Variants in ZFPM2 observed in about 807,000 individuals in gnomAD.
ZFPM2 encodes the protein zinc finger protein, FOG family member 2.
Under a neutral mutation model 98.6 loss-of-function variants are expected in ZFPM2, and 20 were observed. The ratio of observed to expected loss-of-function variants is 0.20; its 90% confidence interval spans 0.14 to 0.29. ZFPM2 has a LOEUF of 0.29. Among genes scored for constraint, ZFPM2 ranks in the 10% least tolerant of loss-of-function variants. The pLI, the probability that ZFPM2 is intolerant of heterozygous loss-of-function variation, is 1.00. For missense variants in ZFPM2, 1,310 were observed against 1,388.6 expected, an observed-to-expected ratio of 0.94 and a Z score of 0.90; for synonymous variants, 518 against 502.7, an observed-to-expected ratio of 1.03 and a Z score of -0.41.
In ZFPM2 at chr8:105,393,380, T is replaced by G. The variant is rs1366233915; in HGVS notation, c.41-25764T>G. Among the ~76,000 whole-genome samples, 208 of 107,394 alleles carry G rather than the reference T, an allele frequency of 1.9e-3. 3 individuals are homozygous for G. The highest frequency in any genetic ancestry group is 6.8e-3 in the African/African-American group (196 of 28,666). The allele number at this position is 107,394 out of a possible 152,430, so 70.5% of individuals were successfully genotyped here. A position where few individuals can be genotyped will look rare whatever the true frequency, so the allele number is the denominator to read the frequency against. ...TTTCTTTCTTTCTTTCTTTCTTTCT[T>G]TCTTTCTTTCTTCTTCAGAATTTAA... On this transcript the variant is annotated intron_variant, in intron 1 of 7. Coordinates refer to ENST00000407775, the MANE Select transcript of ZFPM2 (RefSeq NM_012082.4).
At position 105,613,105 on chromosome 8, in the gene ZFPM2, A is replaced by T. The variant is rs574814522; in HGVS notation, c.421-21141A>T. ...GATTTAAATGATTTCAGTAGTCACAATGATATATGTAATAATAATTAACAG... is the reference window on the plus strand; with the variant it reads ...GATTTAAATGATTTCAGTAGTCACATTGATATATGTAATAATAATTAACAG... On this transcript the variant is annotated intron_variant, in intron 4 of 7. Coordinates refer to ENST00000407775, the MANE Select transcript of ZFPM2 (RefSeq NM_012082.4). Among the ~76,000 whole-genome samples the T allele has an allele frequency of 3.3e-5, 5 of 152,316 alleles. No individual in the cohort carries two copies. In the South Asian group the frequency reaches 1.0e-3, roughly 32 times the overall value.
chr8:105,617,220 A>C (rs1440997720), intron 4 of ZFPM2, among the ~76,000 whole-genome samples: 2 of 151,914 alleles, frequency 1.3e-5, no homozygotes, highest in Non-Finnish European at 2.9e-5. Context: ...ATTATATTTG[A>C]AGTATTTGGT....
At chr8:105,420,887 G>T (rs1811778343) in intron 2 of ZFPM2, among the ~76,000 whole-genome samples, 1 of 152,090 alleles carries the variant, frequency 6.6e-6, no homozygotes. Context: ...TATACCTTTT[G>T]TCAATTTAAT....
chr8:105,735,129 T>TATATA (rs1455794050), intron 5 of ZFPM2, among the ~76,000 whole-genome samples: 1 of 148,122 alleles, frequency 6.8e-6, no homozygotes, highest in Admixed American at 6.8e-5. Context: ...ATATATAATG[T>TATATA]ATCTACATCT....
chr8:105,665,257 C>CT (rs1452725271), intron 5 of ZFPM2, among the ~76,000 whole-genome samples: 3 of 152,074 alleles, frequency 2.0e-5, no homozygotes, highest in East Asian at 1.9e-4. Flanking sequence ...ACCCAAACAC[C>CT]TTTCACTAGG....
chr8:105,407,108 ATTT>A (rs5893742), intron 1 of ZFPM2, among the ~76,000 whole-genome samples: 11 of 130,820 alleles, frequency 8.4e-5, no homozygotes, highest in East Asian at 2.3e-4. Flanking sequence ...AAATGCTCTA[ATTT>A]TTTTTTTTTT....
chr8:105,735,172 T>G (rs1264611241), intron 5 of ZFPM2, among the ~76,000 whole-genome samples: 2 of 149,282 alleles, frequency 1.3e-5, no homozygotes, highest in Middle Eastern at 3.5e-3. Context: ...TAGATCTATA[T>G]AGATAAATAG....
intron 1 of ZFPM2, among the ~76,000 whole-genome samples, chr8:105,330,567 T>TAC (rs754155388): frequency 0.015 from 1,059 of 71,824 alleles, 16 homozygotes; most frequent in Middle Eastern, 0.037. Flanking sequence ...TATATATATA[T>TAC]ACATATATAT....
intron 1 of ZFPM2, among the ~76,000 whole-genome samples, chr8:105,322,394 C>T (rs887708689): frequency 9.3e-5 from 14 of 150,562 alleles, no homozygotes; most frequent in African/African-American, 3.4e-4. Context: ...TTATATGTCC[C>T]CAACTCCAGT....
intron 4 of ZFPM2, among the ~76,000 whole-genome samples, chr8:105,591,347 T>C (rs1189312622): frequency 2.0e-5 from 3 of 152,158 alleles, no homozygotes; most frequent in Non-Finnish European, 4.4e-5. Context: ...ATTTTTCATT[T>C]ATGATAGTTT....
chr8:105,417,079 T>C (rs1811693262), intron 1 of ZFPM2, among the ~76,000 whole-genome samples: 1 of 150,630 alleles, frequency 6.6e-6, no homozygotes, highest in South Asian at 2.1e-4. Context: ...AGCCCAGGAA[T>C]TTGAAACTGC....
At chr8:105,454,125 T>C (rs527739330) in intron 3 of ZFPM2, among the ~76,000 whole-genome samples, 2 of 152,210 alleles carry the variant, frequency 1.3e-5, no homozygotes, top group East Asian at 3.9e-4. Flanking sequence ...ATGTATTGGT[T>C]TATATGAAAA....
At chr8:105,472,505 T>G (rs1022033290) in intron 3 of ZFPM2, among the ~76,000 whole-genome samples, 12 of 152,218 alleles carry the variant, frequency 7.9e-5, no homozygotes, top group Admixed American at 5.2e-4. Flanking sequence ...TTGTTTTGTT[T>G]TGTTTTGTGT....
intron 1 of ZFPM2, among the ~76,000 whole-genome samples, chr8:105,402,943 G>T (rs1340077197): frequency 6.6e-6 from 1 of 151,992 alleles, no homozygotes. Flanking sequence ...TGAATATCAT[G>T]TTCTTTCATA....
chr8:105,799,172 A>C (rs970251511), intron 7 of ZFPM2, among the ~76,000 whole-genome samples: 4 of 152,298 alleles, frequency 2.6e-5, no homozygotes, highest in African/African-American at 9.6e-5. Context: ...CAGAGGCCAA[A>C]TCATTCTATT....
chr8:105,796,679 T>C (rs1431574429), intron 6 of ZFPM2: 3 of 152,168 alleles, frequency 2.0e-5, no homozygotes, highest in Non-Finnish European at 4.4e-5. Context: ...CAACCATAAA[T>C]AACAGTTCAC....
chr8:105,552,812 CTTTTTT>C (rs781365155), intron 3 of ZFPM2, among the ~76,000 whole-genome samples: 1 of 112,464 alleles, frequency 8.9e-6, no homozygotes, highest in Non-Finnish European at 1.9e-5. Context: ...TTCAGATGTT[CTTTTTT>C]TTTTTTTTTT....
At chr8:105,555,019 C>G (rs571673374) in intron 3 of ZFPM2, among the ~76,000 whole-genome samples, 1 of 151,218 alleles carries the variant, frequency 6.6e-6, no homozygotes, top group South Asian at 2.1e-4. Flanking sequence ...TTATTTAGGC[C>G]AAAAAGTGGG....
At position 105,564,022 on chromosome 8, in the gene ZFPM2, G is replaced by A. The variant is rs1029171844; in HGVS notation, c.420+2541G>A. On this transcript the variant is annotated intron_variant, in intron 4 of 7. Coordinates refer to ENST00000407775, the MANE Select transcript of ZFPM2 (RefSeq NM_012082.4). Reference sequence around the variant, plus strand: ...TGACATTTTTACCATATGCTAAATCGTGATGGATAGAAGATAAACCTGTCT... The same window carrying A: ...TGACATTTTTACCATATGCTAAATCATGATGGATAGAAGATAAACCTGTCT... Among the ~76,000 whole-genome samples, 6 of 152,064 alleles carry A rather than the reference G, an allele frequency of 3.9e-5. No homozygotes were observed. In the East Asian group the frequency reaches 9.7e-4, roughly 25 times the overall value.
Sources: gnomAD v4.1 joint callset for allele counts (sites outside exome capture counted in the v4.1 genomes callset) on GRCh38, gnomAD v4.1.1 for gene constraint, MANE v1.5 for transcripts, NCBI Gene and HGNC (gene_info 2026-07-23, HGNC 2026-07-21) for gene names.